IGF2BP1: variants seen among roughly 807,000 people sequenced by gnomAD.
IGF2BP1 encodes the protein insulin like growth factor 2 mRNA binding protein 1.
IGF2BP1 carries 11 observed loss-of-function variants against 74.9 expected under a neutral mutation model. That is an observed-to-expected ratio of 0.15 (90% CI 0.09 to 0.24). The LOEUF (loss-of-function observed/expected upper bound fraction) is 0.24, where lower values mean the gene tolerates loss of function less well. Among genes scored for constraint, IGF2BP1 ranks in the 10% least tolerant of loss-of-function variants. The pLI, the probability that IGF2BP1 is intolerant of heterozygous loss-of-function variation, is 1.00. For missense variants in IGF2BP1, 440 were observed against 757.4 expected (o/e 0.58, Z 4.92); for synonymous variants, 287 against 281.8 (o/e 1.02, Z -0.18).
intron 2 of IGF2BP1, among the ~76,000 whole-genome samples, chr17:49,019,196 A>G (rs1405132475): frequency 6.6e-6 from 1 of 152,144 alleles, no homozygotes; most frequent in African/African-American, 2.4e-5. Flanking sequence ...TACCAGTCCC[A>G]GGGGTAGTTT....
rs578053942 is a variant in IGF2BP1, at chr17:49,032,883, T to C, written c.401+910T>C. The stretch of plus-strand genomic sequence containing the variant: ...CAGGCTGGAGTGCAGTGGCATGATA[T>C]CTGCTCACTGCAACCTCAACCTCCT... On this transcript the variant is annotated intron_variant, in intron 5 of 14. Transcript: ENST00000290341. 2.0e-3 allele frequency among the ~76,000 whole-genome samples: 307 copies of C among 152,140 alleles called. 1 individual carries two copies. Among genetic ancestry groups the C allele is most frequent in the African/African-American group, 6.9e-3 (288 of 41,482 alleles).
chr17:49,031,014 G>A (rs574393289), intron 4 of IGF2BP1, among the ~76,000 whole-genome samples: 2 of 152,290 alleles, frequency 1.3e-5, no homozygotes, highest in South Asian at 4.1e-4. Flanking sequence ...TTGCTGTATA[G>A]CCTTGTTGTA....
chr17:49,043,938 C>T, intron 10 of IGF2BP1, 29 bp from the exon 11 acceptor site: 1 of 1,610,762 alleles, frequency 6.2e-7, no homozygotes, highest in East Asian at 2.2e-5. Flanking sequence ...ACTTGGGCCC[C>T]CTGGTAACAA....
chr17:49,041,522 C>G, intron 8 of IGF2BP1, 22 bp downstream of exon 8: 1 of 1,613,784 alleles, frequency 6.2e-7, no homozygotes, highest in Non-Finnish European at 8.5e-7. Context: ...TTCTATTTCC[C>G]TGTTTATGAG....
intron 5 of IGF2BP1, among the ~76,000 whole-genome samples, chr17:49,037,949 G>A (rs978263307): frequency 2.0e-5 from 3 of 152,200 alleles, no homozygotes; most frequent in African/African-American, 7.2e-5. Flanking sequence ...CCAACTAAGT[G>A]TTAGGGAACA....
rs2042223541 is a variant in IGF2BP1 at position 49,055,835 on chromosome 17, A to AG, written c.*6392dup. Reference sequence around the variant, plus strand: ...GAGCTGGAGGCCTACTGCTTGGGACAGTTTTTTTTTTTTTTTTTTTTTTAA... The same window carrying AG: ...GAGCTGGAGGCCTACTGCTTGGGACAGGTTTTTTTTTTTTTTTTTTTTTTAA... On this transcript the variant is annotated 3_prime_UTR_variant, in exon 15 of 15. Coordinates refer to ENST00000290341, the MANE Select transcript of IGF2BP1 (RefSeq NM_006546.4). Among the ~76,000 whole-genome samples the AG allele has an allele frequency of 1.0e-5, 1 of 98,982 alleles. No homozygotes were observed. Among genetic ancestry groups the AG allele is most frequent in the Non-Finnish European group, 1.9e-5 (1 of 51,578 alleles). The allele number at this position is 98,982 out of a possible 152,430, so 64.9% of individuals were successfully genotyped here.
chr17:49,033,309 C>T (rs1244914730), intron 5 of IGF2BP1, among the ~76,000 whole-genome samples: 1 of 151,480 alleles, frequency 6.6e-6, no homozygotes, highest in African/African-American at 2.4e-5. Context: ...CCACCATGCC[C>T]GGCTGGCTAA....
At chr17:49,008,100 A>T (rs1330583041) in intron 2 of IGF2BP1, among the ~76,000 whole-genome samples, 2 of 151,616 alleles carry the variant, frequency 1.3e-5, no homozygotes, top group Non-Finnish European at 2.9e-5. Context: ...TGAACCCAGG[A>T]GGCAGAGGTT....
At chr17:48,999,940 G>T (rs568789200) in intron 2 of IGF2BP1, among the ~76,000 whole-genome samples, 94 of 151,048 alleles carry the variant, frequency 6.2e-4, no homozygotes, top group African/African-American at 2.2e-3. Flanking sequence ...GTGTGTGTGT[G>T]TGTGTGTGTG....
At chr17:49,035,069 C>T (rs540068590) in intron 5 of IGF2BP1, among the ~76,000 whole-genome samples, 6 of 152,274 alleles carry the variant, frequency 3.9e-5, no homozygotes, top group East Asian at 3.9e-4. Context: ...AGTGTGGTAC[C>T]GGCTTCAGGA....
At chr17:49,038,128 A>G in intron 5 of IGF2BP1, 40 bp from the exon 6 acceptor site, 1 of 1,423,044 alleles carries the variant, frequency 7.0e-7, no homozygotes, top group Non-Finnish European at 9.2e-7. Flanking sequence ...TATGATTGGC[A>G]TGGATTGGAA....
rs931094132 is a variant in IGF2BP1, at chr17:49,051,026, G to GAC, written c.*1584_*1585dup. 6 of 152,732 alleles carry GAC rather than the reference G, an allele frequency of 3.9e-5. No homozygotes were observed. The highest frequency in any genetic ancestry group is 1.4e-4 in the African/African-American group (6 of 41,570). The allele number at this position is 152,732 out of a possible 1,614,324, so 9.5% of individuals were successfully genotyped here. A position where few individuals can be genotyped will look rare whatever the true frequency, so the allele number is the denominator to read the frequency against. The stretch of plus-strand genomic sequence containing the variant: ...AACATTGCAACAACAGTAACAACAA[G>GAC]ACAACCGCAACATGTGGGCGTAGTC... On this transcript the variant is annotated 3_prime_UTR_variant, in exon 15 of 15. Coordinates refer to ENST00000290341, the MANE Select transcript of IGF2BP1 (RefSeq NM_006546.4).
intron 14 of IGF2BP1, among the ~76,000 whole-genome samples, chr17:49,046,915 T>C (rs2042114189): frequency 1.3e-5 from 2 of 152,108 alleles, no homozygotes. Flanking sequence ...CTCCAGAGCA[T>C]GGAAGGGAAG....
At chr17:49,011,485 T>C (rs2041619008) in intron 2 of IGF2BP1, among the ~76,000 whole-genome samples, 2 of 152,234 alleles carry the variant, frequency 1.3e-5, no homozygotes, top group South Asian at 4.1e-4. Flanking sequence ...CAGAAGAATC[T>C]GAACTAAGGT....
At chr17:48,998,258 C>T (rs1227292029) in intron 1 of IGF2BP1, among the ~76,000 whole-genome samples, 1 of 152,116 alleles carries the variant, frequency 6.6e-6, no homozygotes, top group African/African-American at 2.4e-5. Context: ...CCTGGCTGGG[C>T]GTTATTTCCA....
In IGF2BP1 at chr17:49,054,517, G is replaced by A. The variant is rs564795873; in HGVS notation, c.*5073G>A. The A allele has an allele frequency of 3.9e-5, 6 of 152,556 alleles. No individual in the cohort carries two copies. Among genetic ancestry groups the A allele is most frequent in the South Asian group, 2.1e-4 (1 of 4,826 alleles). 9.5% of individuals were successfully genotyped at this position (152,556 alleles called of 1,614,324 possible). A position where few individuals can be genotyped will look rare whatever the true frequency, so the allele number is the denominator to read the frequency against. On this transcript the variant is annotated 3_prime_UTR_variant, in exon 15 of 15. Transcript: ENST00000290341. ...GGCCTGCCAGGATCCCCCCCATATC[G>A]ATTGGGCTGGGAGGGCTGGCCATGA...
At chr17:49,027,852 A>AG (rs2041876125) in intron 4 of IGF2BP1, among the ~76,000 whole-genome samples, 5 of 66,338 alleles carry the variant, frequency 7.5e-5, no homozygotes, top group Admixed American at 5.2e-4. Context: ...ACTCTGTCTC[A>AG]GAAAAAAAAA....
At position 48,997,622 on chromosome 17, in the gene IGF2BP1, G is replaced by C; in HGVS notation, c.-124G>C. 1 of 1,017,994 alleles carries C rather than the reference G, an allele frequency of 9.8e-7. No homozygotes were observed. Among genetic ancestry groups the C allele is most frequent in the South Asian group, 1.6e-5 (1 of 64,056 alleles). The allele number at this position is 1,017,994 out of a possible 1,614,324, so 63.1% of individuals were successfully genotyped here. On this transcript the variant is annotated 5_prime_UTR_variant, in exon 1 of 15. Transcript: ENST00000290341. The surrounding 1 kb of genome is among the most constrained non-coding windows in gnomAD (Gnocchi z 4.8). ...CTGGGCTCGGGACAACTTCTGGGGT[G>C]GGGTGCAAAGAAAGTTTGCGGCTCC... is the stretch of plus-strand genomic sequence containing the variant.
At chr17:49,000,310 C>A (rs1215641441) in intron 2 of IGF2BP1, among the ~76,000 whole-genome samples, 4 of 151,890 alleles carry the variant, frequency 2.6e-5, no homozygotes, top group African/African-American at 9.7e-5. Flanking sequence ...TTCTGGGGGA[C>A]CATTAAGAGG....
Sources: allele counts gnomAD v4.1 joint callset (sites outside exome capture counted in the v4.1 genomes callset), GRCh38; gene constraint gnomAD v4.1.1; non-coding constraint Gnocchi (gnomAD v3.1); transcripts MANE v1.5; gene names NCBI Gene and HGNC (gene_info 2026-07-23, HGNC 2026-07-21).